Variants in PEPD observed in about 807,000 individuals in gnomAD.
PEPD encodes xaa-Pro dipeptidase.
PEPD carries 53 observed loss-of-function variants against 60.7 expected under a neutral mutation model. The observed-to-expected ratio is 0.87, with a 90% confidence interval of 0.70 to 1.10. The LOEUF (loss-of-function observed/expected upper bound fraction) is 1.10, where lower values mean the gene tolerates loss of function less well. Ranked by LOEUF, PEPD falls within the 50% of genes least tolerant of loss-of-function variation. The pLI is 0.00. For synonymous variants in PEPD, 267 were observed against 284.1 expected (o/e 0.94, Z 0.60); for missense variants, 711 against 711.9 (o/e 1.00, Z 0.01).
Position 33,391,598 on chromosome 19 carries a change from G to A in PEPD, c.968-119C>T, listed in dbSNP as rs972613425. On this transcript the variant is annotated intron_variant, in intron 12 of 14. Transcript: ENST00000244137. ...GTGGTGGGAGGGCCTGAGGTGGGGG[G>A]TGAGGGGGCAAGGGTACTACATCGG... The A allele has an allele frequency of 4.3e-6, 4 of 940,580 alleles. No individual in the cohort carries two copies. In the Admixed American group the frequency reaches 8.0e-5, roughly 19 times the overall value. The allele number at this position is 940,580 out of a possible 1,614,324, so 58.3% of individuals were successfully genotyped here.
At chr19:33,452,015 TAC>T (rs1299746155) in intron 9 of PEPD, among the ~76,000 whole-genome samples, 1 of 152,204 alleles carries the variant, frequency 6.6e-6, no homozygotes, top group Non-Finnish European at 1.5e-5. Flanking sequence ...CTGATTCATG[TAC>T]ACCAAAGTAT....
intron 7 of PEPD, among the ~76,000 whole-genome samples, chr19:33,474,057 C>T (rs1970173467): frequency 6.6e-6 from 1 of 152,214 alleles, no homozygotes; most frequent in Non-Finnish European, 1.5e-5. Flanking sequence ...AAGCTGCTAG[C>T]AGAAGCTGGG....
At chr19:33,465,439 CCT>C (rs764738590) in intron 7 of PEPD, among the ~76,000 whole-genome samples, 3 of 152,116 alleles carry the variant, frequency 2.0e-5, no homozygotes, top group East Asian at 1.9e-4. Context: ...CAACTCATCC[CCT>C]GAGGCCACAC....
At chr19:33,396,661 T>C (rs1180135154) in intron 12 of PEPD, among the ~76,000 whole-genome samples, 1 of 109,232 alleles carries the variant, frequency 9.2e-6, no homozygotes, top group African/African-American at 3.6e-5. Flanking sequence ...AGGAGGCTCC[T>C]GGGTGAGCAC....
chr19:33,512,896 G>T, intron 1 of PEPD, 120 bp from the exon 2 acceptor site: 2 of 1,086,728 alleles, frequency 1.8e-6, no homozygotes, highest in Non-Finnish European at 2.8e-6. Flanking sequence ...ATCAGCACGG[G>T]GCAAGCTGCC....
intron 12 of PEPD, among the ~76,000 whole-genome samples, chr19:33,399,046 T>A (rs893379674): frequency 1.3e-5 from 2 of 152,162 alleles, no homozygotes; most frequent in African/African-American, 4.8e-5. Context: ...TGCAGTGGTG[T>A]GATCTTGGCT....
chr19:33,425,378 T>C lies in PEPD; in HGVS notation c.672-11735A>G, dbSNP rs527697677. Among the ~76,000 whole-genome samples, 31 of 152,260 alleles carry C rather than the reference T, an allele frequency of 2.0e-4. No homozygotes were observed. In the East Asian group the frequency reaches 2.9e-3, roughly 14 times the overall value. On this transcript the variant is annotated intron_variant, in intron 9 of 14. Transcript: ENST00000244137. ...AGTTCAACACAACCCAGAGGCCACA[T>C]TGTCCCTCTAAGGAACGCTGGCACC...
At chr19:33,398,681 AAGG>A (rs779435210) in intron 12 of PEPD, among the ~76,000 whole-genome samples, 2 of 152,242 alleles carry the variant, frequency 1.3e-5, no homozygotes, top group Non-Finnish European at 2.9e-5. Flanking sequence ...AGAATGAAGG[AAGG>A]AGAAGGAGTG....
intron 1 of PEPD, among the ~76,000 whole-genome samples, chr19:33,518,427 G>A (rs1971065253): frequency 6.6e-6 from 1 of 152,200 alleles, no homozygotes; most frequent in Non-Finnish European, 1.5e-5. Flanking sequence ...GAATTCTGCA[G>A]AAGACTCTCC....
At chr19:33,435,200 T>A (rs1360161763) in intron 9 of PEPD, among the ~76,000 whole-genome samples, 2 of 152,134 alleles carry the variant, frequency 1.3e-5, no homozygotes, top group Non-Finnish European at 2.9e-5. Flanking sequence ...CAGGATGGGA[T>A]CCTTTGTTTT....
intron 9 of PEPD, among the ~76,000 whole-genome samples, chr19:33,438,573 C>T (rs1441400706): frequency 2.0e-5 from 3 of 152,188 alleles, no homozygotes; most frequent in African/African-American, 7.2e-5. Context: ...TGATGGGGGG[C>T]GGGCAGGGTT....
At chr19:33,400,271 G>A (rs974337570) in intron 12 of PEPD, among the ~76,000 whole-genome samples, 11 of 152,344 alleles carry the variant, frequency 7.2e-5, no homozygotes, top group African/African-American at 2.6e-4. Flanking sequence ...GGGACTCCAG[G>A]CTGCAGAAGG....
chr19:33,424,714 G>A (rs1568464812), intron 9 of PEPD, among the ~76,000 whole-genome samples: 1 of 152,136 alleles, frequency 6.6e-6, no homozygotes, highest in Non-Finnish European at 1.5e-5. Context: ...ACCCGAGACT[G>A]AGTAATTATA....
chr19:33,507,051 C>T (rs1002708960), intron 3 of PEPD, among the ~76,000 whole-genome samples: 2 of 151,938 alleles, frequency 1.3e-5, no homozygotes, highest in African/African-American at 4.8e-5. Flanking sequence ...TATGCACACA[C>T]AGCCCCCCAC....
intron 9 of PEPD, among the ~76,000 whole-genome samples, chr19:33,446,929 A>C (rs914888521): frequency 2.0e-5 from 3 of 152,220 alleles, no homozygotes; most frequent in African/African-American, 7.2e-5. Context: ...AAAGTAAAAC[A>C]GCACCAGCAA....
At chr19:33,466,272 T>A (rs1420886872) in intron 7 of PEPD, among the ~76,000 whole-genome samples, 2 of 152,098 alleles carry the variant, frequency 1.3e-5, no homozygotes, top group Non-Finnish European at 2.9e-5. Flanking sequence ...AAAACAGATA[T>A]ATGTATGAAG....
intron 9 of PEPD, among the ~76,000 whole-genome samples, chr19:33,419,580 C>G (rs1968967764): frequency 6.6e-6 from 1 of 152,174 alleles, no homozygotes; most frequent in Admixed American, 6.5e-5. Context: ...TGGTTTTGAC[C>G]CGGATGCCTC....
intron 11 of PEPD, among the ~76,000 whole-genome samples, chr19:33,405,077 C>T (rs1968589686): frequency 6.6e-6 from 1 of 152,230 alleles, no homozygotes; most frequent in African/African-American, 2.4e-5. Flanking sequence ...GATGATAATA[C>T]AAGACATCTG....
chr19:33,388,979 A>C (rs997422952), intron 13 of PEPD: 1 of 152,484 alleles, frequency 6.6e-6, no homozygotes, highest in Non-Finnish European at 1.5e-5. Flanking sequence ...AGTGGGCACG[A>C]GTATGCTTTC....
Sources: gnomAD v4.1 joint callset for allele counts (sites outside exome capture counted in the v4.1 genomes callset) on GRCh38, gnomAD v4.1.1 for gene constraint, MANE v1.5 for transcripts, NCBI Gene and HGNC (gene_info 2026-07-23, HGNC 2026-07-21) for gene names.